The following CFAP299 variants were observed in gnomAD, a reference collection of about 807,000 sequenced individuals.
The protein encoded by CFAP299 is cilia- and flagella-associated protein 299.
CFAP299 carries 21 observed loss-of-function variants against 27.0 expected under a neutral mutation model. The ratio of observed to expected loss-of-function variants is 0.78; its 90% CI spans 0.55 to 1.12. The LOEUF is 1.12. Among genes scored for constraint, CFAP299 ranks in the 50% most tolerant of loss-of-function variants. The pLI is 0.00. For synonymous variants in CFAP299, 104 were observed against 98.1 expected, an observed-to-expected ratio of 1.06 and a Z score of -0.36; for missense variants, 310 against 276.6, an observed-to-expected ratio of 1.12 and a Z score of -0.86.
chr4:80,412,062 G>GA (rs1407342254), intron 2 of CFAP299, among the ~76,000 whole-genome samples: 1 of 152,162 alleles, frequency 6.6e-6, no homozygotes, highest in African/African-American at 2.4e-5. Context: ...GACTCACAGA[G>GA]AGGTTAAGTA....
chr4:80,504,506 T>TATATATATATATATATA (rs57743936), intron 2 of CFAP299, among the ~76,000 whole-genome samples: 1 of 126,336 alleles, frequency 7.9e-6, no homozygotes, highest in Non-Finnish European at 1.7e-5. Context: ...TATATATATA[T>TATATATATATATATATA]TTTCCTTTGA....
intron 1 of CFAP299, among the ~76,000 whole-genome samples, chr4:80,345,908 C>T (rs1465742750): frequency 2.0e-5 from 3 of 152,166 alleles, no homozygotes; most frequent in African/African-American, 4.8e-5. Context: ...AAAAGCGTTC[C>T]TATTTCTCCA....
chr4:80,777,467 C>T (rs1053516054), intron 3 of CFAP299, among the ~76,000 whole-genome samples: 1 of 152,010 alleles, frequency 6.6e-6, no homozygotes, highest in South Asian at 2.1e-4. Context: ...TACTTCAGTG[C>T]TGATACTACT....
intron 3 of CFAP299, among the ~76,000 whole-genome samples, chr4:80,741,647 G>A (rs1441093895): frequency 1.3e-5 from 2 of 152,102 alleles, no homozygotes. Context: ...ATACTGCCTT[G>A]GGTTGGGGGG....
At chr4:80,535,594 C>A (rs1238444404) in intron 2 of CFAP299, among the ~76,000 whole-genome samples, 1 of 148,478 alleles carries the variant, frequency 6.7e-6, no homozygotes, top group Non-Finnish European at 1.5e-5. Flanking sequence ...GATTGGTGAA[C>A]GTTTAGTGGA....
intron 2 of CFAP299, among the ~76,000 whole-genome samples, chr4:80,463,364 C>A (rs762579638): frequency 6.6e-6 from 1 of 151,976 alleles, no homozygotes; most frequent in Non-Finnish European, 1.5e-5. Flanking sequence ...TCAAAGGATC[C>A]TCTGTGAAGA....
chr4:80,495,166 A>G (rs529847964), intron 2 of CFAP299, among the ~76,000 whole-genome samples: 1 of 152,182 alleles, frequency 6.6e-6, no homozygotes, highest in Non-Finnish European at 1.5e-5. Flanking sequence ...CACAATGCTA[A>G]AATATAGTAT....
At chr4:80,499,711 A>G (rs1372117883) in intron 2 of CFAP299, among the ~76,000 whole-genome samples, 2 of 152,088 alleles carry the variant, frequency 1.3e-5, no homozygotes, top group Non-Finnish European at 2.9e-5. Context: ...GTGCGTGCAC[A>G]TGGAGATTTA....
At chr4:80,463,961 A>G (rs1205199074) in intron 2 of CFAP299, among the ~76,000 whole-genome samples, 3 of 152,220 alleles carry the variant, frequency 2.0e-5, no homozygotes, top group Non-Finnish European at 2.9e-5. Context: ...GCAACATTTC[A>G]TTTCTAAAGT....
intron 2 of CFAP299, among the ~76,000 whole-genome samples, chr4:80,399,392 A>G (rs4693601): frequency 1 from 152,221 of 152,228 alleles, 76,107 homozygotes; most frequent in Non-Finnish European, 1. Context: ...ACATGCACAC[A>G]TATGTTTATT....
intron 3 of CFAP299, among the ~76,000 whole-genome samples, chr4:80,858,324 G>T (rs1732063587): frequency 5.3e-5 from 8 of 151,850 alleles, no homozygotes; most frequent in Admixed American, 3.9e-4. Flanking sequence ...CTTGCTAGCG[G>T]TCTATCAATT....
chr4:80,373,680 A>G (rs1578368453), intron 2 of CFAP299, among the ~76,000 whole-genome samples: 1 of 152,280 alleles, frequency 6.6e-6, no homozygotes, highest in Non-Finnish European at 1.5e-5. Flanking sequence ...GGCACATTAC[A>G]TCATTGGTCC....
chr4:80,750,047 T>C (rs1003535659), intron 3 of CFAP299, among the ~76,000 whole-genome samples: 11 of 152,208 alleles, frequency 7.2e-5, no homozygotes, highest in Admixed American at 2.0e-4. Flanking sequence ...TTATTACTTC[T>C]ACTTTAAATA....
chr4:80,893,517 G>A (rs1464053413), intron 4 of CFAP299, among the ~76,000 whole-genome samples: 1 of 151,822 alleles, frequency 6.6e-6, no homozygotes, highest in Non-Finnish European at 1.5e-5. Flanking sequence ...CATAAAAACA[G>A]ACATATAGAC....
chr4:80,409,224 T>C (rs1726589926), intron 2 of CFAP299, among the ~76,000 whole-genome samples: 1 of 152,072 alleles, frequency 6.6e-6, no homozygotes, highest in Admixed American at 6.6e-5. Context: ...TTATTTATAA[T>C]AGGTCAAATT....
rs926130167 is a variant in CFAP299 at position 80,850,112 on chromosome 4, T to C, written c.334-19881T>C. Among the ~76,000 whole-genome samples, 5 of 152,216 alleles carry C rather than the reference T, an allele frequency of 3.3e-5. No individual in the cohort carries two copies. In the East Asian group the frequency reaches 7.7e-4, roughly 23 times the overall value. Reference sequence around the variant, plus strand: ...AGAAAATTTAATCATAGCTAGGGAATAGATACTTCAACTTTCTGATTCTAT... The same window carrying C: ...AGAAAATTTAATCATAGCTAGGGAACAGATACTTCAACTTTCTGATTCTAT... On this transcript the variant is annotated intron_variant, in intron 3 of 5. Coordinates refer to ENST00000358105, the MANE Select transcript of CFAP299 (RefSeq NM_152770.3).
chr4:80,356,472 A>C (rs557881109), intron 1 of CFAP299, among the ~76,000 whole-genome samples: 11 of 152,064 alleles, frequency 7.2e-5, no homozygotes, highest in Admixed American at 2.0e-4. Context: ...CATGAGCATG[A>C]AGTGTTTTTC....
intron 2 of CFAP299, among the ~76,000 whole-genome samples, chr4:80,549,689 C>T (rs1734407680): frequency 6.6e-6 from 1 of 151,976 alleles, no homozygotes; most frequent in African/African-American, 2.4e-5. Context: ...TGAGTTGCTG[C>T]TTAAAGGAGT....
intron 2 of CFAP299, among the ~76,000 whole-genome samples, chr4:80,450,691 A>T (rs551359960): frequency 1.0e-3 from 154 of 152,016 alleles, no homozygotes; most frequent in African/African-American, 3.4e-3. Context: ...ATGTTCATAT[A>T]TGTCAAAGTT....
Sources: gnomAD v4.1 joint callset for allele counts (sites outside exome capture counted in the v4.1 genomes callset) on GRCh38, gnomAD v4.1.1 for gene constraint, MANE v1.5 for transcripts, NCBI Gene and HGNC (gene_info 2026-07-23, HGNC 2026-07-21) for gene names.